CHD2: variants seen among roughly 807,000 people sequenced by gnomAD.
CHD2 encodes chromodomain helicase DNA binding protein 2.
A neutral mutation model predicts 243.9 loss-of-function variants in CHD2; 28 were observed. That is an observed-to-expected ratio of 0.11 (90% CI 0.09 to 0.16). CHD2 has a LOEUF of 0.16. Ranked by LOEUF, CHD2 falls within the 10% of genes least tolerant of loss-of-function variation. CHD2 has a pLI of 1.00. For synonymous variants in CHD2, 775 were observed against 779.0 expected (o/e 0.99, Z 0.09); for missense variants, 1,386 against 2,209.8 (o/e 0.63, Z 7.47).
intron 5 of CHD2, among the ~76,000 whole-genome samples, chr15:92,936,699 A>G (rs1222676756): frequency 6.6e-6 from 1 of 152,206 alleles, no homozygotes. Flanking sequence ...AATGTATTCT[A>G]GAGACTTAAA....
chr15:92,960,626 T>A (rs1291208345), intron 16 of CHD2, among the ~76,000 whole-genome samples: 1 of 151,786 alleles, frequency 6.6e-6, no homozygotes, highest in Non-Finnish European at 1.5e-5. Flanking sequence ...TCTGACTTGT[T>A]AACAGTGTTT....
At chr15:92,924,899 C>T (rs1395857642) in intron 3 of CHD2, among the ~76,000 whole-genome samples, 1 of 152,112 alleles carries the variant, frequency 6.6e-6, no homozygotes, top group Non-Finnish European at 1.5e-5. Context: ...CTCCCAGGTT[C>T]AAGTGATTCT....
At chr15:92,904,742 CA>C (rs2052587581) in intron 2 of CHD2, 2 of 1,392,766 alleles carry the variant, frequency 1.4e-6, no homozygotes, top group Admixed American at 6.3e-5. Context: ...CCCAGTTTTA[CA>C]TTTTCCCTTT....
At chr15:92,949,563 C>T (rs996951687) in intron 13 of CHD2, among the ~76,000 whole-genome samples, 13 of 152,130 alleles carry the variant, frequency 8.5e-5, no homozygotes, top group African/African-American at 3.1e-4. Flanking sequence ...TTATCCTGTT[C>T]AGAGGAAGGT....
chr15:93,015,715 C>G (rs1311374568), intron 37 of CHD2, among the ~76,000 whole-genome samples: 1 of 151,940 alleles, frequency 6.6e-6, no homozygotes, highest in Non-Finnish European at 1.5e-5. Context: ...ATAGACATTT[C>G]TCAAAAGAAG....
Position 92,939,585 on chromosome 15 carries a change from C to T in CHD2, c.559C>T (p.Pro187Ser), listed in dbSNP as rs1461787164. Residue 187 changes from proline (P) to serine (S), a missense_variant, in exon 7 of 39, where the codon CCC becomes TCC. This residue lies in a region of CHD2 where 90 missense variants were observed against 78.0 expected (regional missense o/e 1.15). Transcript: ENST00000394196. ...TTTCTCTTCTCATTTTAGAACAGTG[C>T]CCAAACCTCGTGTTAAAAAGCAGCC... ...ARRPVPRRTV[P>S]KPRVKKQPKT... 1.9e-6 allele frequency: 3 copies of T among 1,613,404 alleles called. No individual in the cohort carries two copies. Among genetic ancestry groups the T allele is most frequent in the Non-Finnish European group, 2.5e-6 (3 of 1,179,710 alleles).
chr15:92,927,177 A>C, intron 3 of CHD2, 67 bp from the exon 4 acceptor site: 3 of 1,124,168 alleles, frequency 2.7e-6, no homozygotes, highest in African/African-American at 1.5e-5. Flanking sequence ...TTCAATTGCA[A>C]TAAACGTTTG....
rs186296339 is a variant in CHD2, at chr15:92,985,874, G to A, written c.3413+201G>A. On this transcript the variant is annotated intron_variant, in intron 26 of 38. Transcript: ENST00000394196. Reference sequence around the variant, plus strand: ...CTTTCTGTTGAGATCACTTTTATTTGTTGTTCATCTCTCTATTTCTCTCTT... The same window carrying A: ...CTTTCTGTTGAGATCACTTTTATTTATTGTTCATCTCTCTATTTCTCTCTT... 5.6e-4 allele frequency among the ~76,000 whole-genome samples: 85 copies of A among 152,202 alleles called. 1 individual carries two copies. The highest frequency in any genetic ancestry group is 1.8e-3 in the African/African-American group (76 of 41,518).
In CHD2 at chr15:92,939,784, C is replaced by T; in HGVS notation, c.692+66C>T. ...TAAAGTAGTTGGTTAGATTTTGGTT[C>T]TCATAAGTCCGGGGTTGTGCACTTA... is the stretch of plus-strand genomic sequence containing the variant. On this transcript the variant is annotated intron_variant, in intron 7 of 38. Transcript: ENST00000394196. 4.5e-6 allele frequency: 7 copies of T among 1,543,980 alleles called. No individual in the cohort carries two copies. The South Asian group carries it at 4.7e-5, about 10-fold the overall frequency.
intron 2 of CHD2, among the ~76,000 whole-genome samples, chr15:92,905,696 T>A (rs2052608510): frequency 6.6e-6 from 1 of 152,262 alleles, no homozygotes; most frequent in Admixed American, 6.5e-5. Context: ...GGATAGTTTG[T>A]GAAAACTAGC....
rs527738218 is a variant in CHD2, at chr15:93,024,858, G to A, written c.*153G>A. ...GCTGAAGGAGCACTTCAAGGAATGG[G>A]AGGCCTTTCACTGGGTCCAGCTCTG... is the stretch of plus-strand genomic sequence containing the variant. On this transcript the variant is annotated 3_prime_UTR_variant, in exon 39 of 39. Transcript: ENST00000394196. The A allele has an allele frequency of 1.0e-5, 7 of 676,708 alleles. No individual in the cohort carries two copies. In the South Asian group the frequency reaches 1.4e-4, roughly 13 times the overall value. 41.9% of individuals were successfully genotyped at this position (676,708 alleles called of 1,614,324 possible).
intron 37 of CHD2, among the ~76,000 whole-genome samples, chr15:93,019,687 A>G (rs1596461103): frequency 6.6e-6 from 1 of 152,170 alleles, no homozygotes; most frequent in Non-Finnish European, 1.5e-5. Flanking sequence ...TAATCCCAGC[A>G]CCTTGGGAAG....
Position 92,959,426 on chromosome 15 carries a change from A to G in CHD2, c.2000+2777A>G, listed in dbSNP as rs545493753. Among the ~76,000 whole-genome samples, 4 of 152,294 alleles carry G rather than the reference A, an allele frequency of 2.6e-5. No homozygotes were observed. In the South Asian group the frequency reaches 8.3e-4, roughly 32 times the overall value. On this transcript the variant is annotated intron_variant, in intron 16 of 38. Coordinates refer to ENST00000394196, the MANE Select transcript of CHD2 (RefSeq NM_001271.4). ...CTGGACTGTCAGTTCTGTTTTATTA[A>G]TACATATTTCTGTCCTTCTGCCAAT...
chr15:92,947,423 C>T (rs754068303), intron 12 of CHD2: 3 of 152,124 alleles, frequency 2.0e-5, no homozygotes, highest in Non-Finnish European at 4.4e-5. Context: ...TACTAGACCC[C>T]AGGGGTGAGG....
At chr15:93,023,411 C>T (rs1228244050) in intron 38 of CHD2, among the ~76,000 whole-genome samples, 2 of 152,204 alleles carry the variant, frequency 1.3e-5, no homozygotes, top group Non-Finnish European at 2.9e-5. Context: ...TTTATCCATT[C>T]ATCTGTTGAT....
chr15:92,986,820 A>G (rs545976175), intron 26 of CHD2, among the ~76,000 whole-genome samples: 1 of 152,128 alleles, frequency 6.6e-6, no homozygotes, highest in African/African-American at 2.4e-5. Flanking sequence ...GGCTCAAGTG[A>G]TCCTCCTGCC....
intron 9 of CHD2, chr15:92,944,114 C>T: frequency 5.7e-6 from 1 of 176,248 alleles, no homozygotes; most frequent in South Asian, 1.8e-4. Context: ...TATGAATTTG[C>T]CACATGAATC....
intron 2 of CHD2, among the ~76,000 whole-genome samples, chr15:92,905,175 A>G (rs939023881): frequency 2.0e-5 from 3 of 152,238 alleles, no homozygotes. Context: ...TGTTAATAGC[A>G]CTTGCTAATG....
chr15:92,945,742 A>T, intron 10 of CHD2, 79 bp from the exon 11 acceptor site: 1 of 884,342 alleles, frequency 1.1e-6, no homozygotes, highest in Non-Finnish European at 1.7e-6. Flanking sequence ...GAATATATTT[A>T]CATTTTATTC....
Sources: gnomAD v4.1 joint callset for allele counts (sites outside exome capture counted in the v4.1 genomes callset) on GRCh38, gnomAD v4.1.1 for gene constraint, gnomAD v4.1.1 regional missense constraint, MANE v1.5 for transcripts, NCBI Gene and HGNC (gene_info 2026-07-23, HGNC 2026-07-21) for gene names.